The following FAM117B variants were observed in gnomAD, a reference collection of about 807,000 sequenced individuals.
The protein encoded by FAM117B is family with sequence similarity 117 member B, also known as protein FAM117B.
Under a neutral mutation model 52.8 loss-of-function variants are expected in FAM117B, and 22 were observed. That is an observed-to-expected ratio of 0.42 (90% CI 0.30 to 0.59). The LOEUF (loss-of-function observed/expected upper bound fraction) is 0.59, where lower values mean the gene tolerates loss of function less well. Among genes scored for constraint, FAM117B ranks in the 20% least tolerant of loss-of-function variants. The pLI is 0.22. For missense variants in FAM117B, 678 were observed against 802.6 expected (o/e 0.84, Z 1.88); for synonymous variants, 309 against 324.1 (o/e 0.95, Z 0.50).
chr2:202,717,636 G>A (rs1358505435), intron 2 of FAM117B, among the ~76,000 whole-genome samples: 2 of 152,130 alleles, frequency 1.3e-5, no homozygotes, highest in African/African-American at 2.4e-5. Flanking sequence ...ACCCTTGTTC[G>A]GTTCTGTTTC....
At chr2:202,716,285 T>C (rs1691054980) in intron 2 of FAM117B, among the ~76,000 whole-genome samples, 1 of 152,142 alleles carries the variant, frequency 6.6e-6, no homozygotes, top group South Asian at 2.1e-4. Flanking sequence ...ATAAATGAAA[T>C]GTGTTTCTTG....
intron 4 of FAM117B, among the ~76,000 whole-genome samples, chr2:202,749,918 G>T (rs1284208228): frequency 6.6e-6 from 1 of 152,126 alleles, no homozygotes; most frequent in Non-Finnish European, 1.5e-5. Flanking sequence ...ATTGAAAACT[G>T]TAGAAATAAA....
At chr2:202,714,420 T>G (rs894120279) in intron 2 of FAM117B, among the ~76,000 whole-genome samples, 16 of 152,138 alleles carry the variant, frequency 1.1e-4, no homozygotes. Flanking sequence ...AGTCTCCAGC[T>G]GTTATTGTAT....
chr2:202,710,406 T>G (rs1257837249), intron 2 of FAM117B, among the ~76,000 whole-genome samples: 1 of 152,168 alleles, frequency 6.6e-6, no homozygotes, highest in African/African-American at 2.4e-5. Flanking sequence ...CCTAATTTTC[T>G]TAATTTTTTT....
intron 2 of FAM117B, among the ~76,000 whole-genome samples, chr2:202,712,469 A>C (rs1459669333): frequency 1.5e-5 from 2 of 133,696 alleles, no homozygotes; most frequent in African/African-American, 3.0e-5. Flanking sequence ...AGGTGTTTCC[A>C]AATATAAGAT....
chr2:202,755,800 C>G, intron 5 of FAM117B, 119 bp downstream of exon 5: 2 of 1,046,714 alleles, frequency 1.9e-6, no homozygotes, highest in Non-Finnish European at 2.7e-6. Flanking sequence ...AAAAATTTAT[C>G]TCTTTTGAAA....
chr2:202,699,649 G>T (rs1690768343), intron 2 of FAM117B, among the ~76,000 whole-genome samples: 1 of 152,074 alleles, frequency 6.6e-6, no homozygotes, highest in Admixed American at 6.6e-5. Flanking sequence ...GCAGATATTG[G>T]GTTTCCCTAA....
intron 2 of FAM117B, among the ~76,000 whole-genome samples, chr2:202,709,526 T>C (rs1690928137): frequency 6.6e-6 from 1 of 152,202 alleles, no homozygotes; most frequent in Non-Finnish European, 1.5e-5. Context: ...TTATTAGTTT[T>C]ATTGCCATTG....
At chr2:202,762,746 A>G (rs527460481) in intron 7 of FAM117B, among the ~76,000 whole-genome samples, 72 of 152,176 alleles carry the variant, frequency 4.7e-4, no homozygotes, top group African/African-American at 1.7e-3. Context: ...AGAGGTTAGG[A>G]AAGTGATTCT....
Position 202,689,027 on chromosome 2 carries a change from G to A in FAM117B, c.602-6854G>A, listed in dbSNP as rs146500103. On this transcript the variant is annotated intron_variant, in intron 1 of 7. Transcript: ENST00000392238. ...TTTATTGCCATGGAAATAGGTTCTC[G>A]ACATACCCTTTTTATTTCTCTCAAC... Among the ~76,000 whole-genome samples, 528 of 152,242 alleles carry A rather than the reference G, an allele frequency of 3.5e-3. 6 individuals are homozygous for A. The highest frequency in any genetic ancestry group is 0.012 in the African/African-American group (482 of 41,552).
At chr2:202,676,193 G>A (rs1312544679) in intron 1 of FAM117B, among the ~76,000 whole-genome samples, 1 of 151,936 alleles carries the variant, frequency 6.6e-6, no homozygotes, top group Non-Finnish European at 1.5e-5. Context: ...GTCAGCACGG[G>A]ACTGAGGTTT....
intron 1 of FAM117B, among the ~76,000 whole-genome samples, chr2:202,666,301 C>T (rs1007813517): frequency 6.6e-6 from 1 of 151,658 alleles, no homozygotes; most frequent in African/African-American, 2.4e-5. Flanking sequence ...AAACAGTTTA[C>T]CTATGGTTTT....
chr2:202,664,806 G>A (rs935461102), intron 1 of FAM117B, among the ~76,000 whole-genome samples: 6 of 152,074 alleles, frequency 3.9e-5, no homozygotes, highest in Non-Finnish European at 8.8e-5. Flanking sequence ...AGGAATTACG[G>A]GTTTCTCTGT....
At chr2:202,671,619 G>A (rs1185230528) in intron 1 of FAM117B, among the ~76,000 whole-genome samples, 1 of 152,196 alleles carries the variant, frequency 6.6e-6, no homozygotes, top group Non-Finnish European at 1.5e-5. Flanking sequence ...GGAAATGGGT[G>A]GGACATTGAT....
chr2:202,714,408 G>A (rs1371246538), intron 2 of FAM117B, among the ~76,000 whole-genome samples: 1 of 151,994 alleles, frequency 6.6e-6, no homozygotes, highest in Non-Finnish European at 1.5e-5. Flanking sequence ...GTGGGGTGGT[G>A]AAGTCTCCAG....
chr2:202,694,177 A>C (rs16824615), intron 1 of FAM117B, among the ~76,000 whole-genome samples: 10,219 of 146,360 alleles, frequency 0.07, 1,346 homozygotes, highest in African/African-American at 0.26. Context: ...ATGTTATTGC[A>C]AAACCCACTT....
At chr2:202,646,541 A>G (rs962460936) in intron 1 of FAM117B, among the ~76,000 whole-genome samples, 1 of 152,104 alleles carries the variant, frequency 6.6e-6, no homozygotes, top group Admixed American at 6.5e-5. Context: ...TAATTTCTAT[A>G]GCGCAGATTT....
chr2:202,759,473 C>T, intron 7 of FAM117B, 120 bp downstream of exon 7: 2 of 1,282,472 alleles, frequency 1.6e-6, no homozygotes, highest in South Asian at 1.6e-5. Flanking sequence ...CACACTGCAA[C>T]CTCTACCTCC....
At chr2:202,753,791 C>G (rs1156289004) in intron 4 of FAM117B, among the ~76,000 whole-genome samples, 2 of 151,562 alleles carry the variant, frequency 1.3e-5, no homozygotes, top group East Asian at 1.9e-4. Flanking sequence ...CATCACTGAT[C>G]ATCAGAGAAA....
Sources: gnomAD v4.1 joint callset for allele counts (sites outside exome capture counted in the v4.1 genomes callset) on GRCh38, gnomAD v4.1.1 for gene constraint, MANE v1.5 for transcripts, NCBI Gene and HGNC (gene_info 2026-07-23, HGNC 2026-07-21) for gene names.